PPFIBP2: variants seen among roughly 807,000 people sequenced by gnomAD.
PPFIBP2 encodes the protein liprin-beta-2.
PPFIBP2 carries 118 observed loss-of-function variants against 118.3 expected under a neutral mutation model. The ratio of observed to expected loss-of-function variants is 1.00; its 90% confidence interval spans 0.86 to 1.16. The LOEUF (loss-of-function observed/expected upper bound fraction) is 1.16. Among genes scored for constraint, PPFIBP2 ranks in the 50% most tolerant of loss-of-function variants. The pLI is 0.00. For synonymous variants in PPFIBP2, 414 were observed against 397.4 expected (o/e 1.04, Z -0.50); for missense variants, 1,195 against 1,073.1 (o/e 1.11, Z -1.59).
At chr11:7,589,119 A>G (rs1858748390) in intron 3 of PPFIBP2, among the ~76,000 whole-genome samples, 1 of 152,206 alleles carries the variant, frequency 6.6e-6, no homozygotes, top group African/African-American at 2.4e-5. Flanking sequence ...AAGTTTGATC[A>G]AATATATGTA....
At chr11:7,535,589 A>G (rs1011654102) in intron 1 of PPFIBP2, among the ~76,000 whole-genome samples, 1 of 152,256 alleles carries the variant, frequency 6.6e-6, no homozygotes, top group Admixed American at 6.5e-5. Context: ...TTGAGATATG[A>G]GATAAACATA....
intron 2 of PPFIBP2, among the ~76,000 whole-genome samples, chr11:7,553,507 G>T (rs1355399619): frequency 6.6e-6 from 1 of 152,178 alleles, no homozygotes; most frequent in Non-Finnish European, 1.5e-5. Context: ...GGCCAAAGAG[G>T]TTAAGAATTT....
intron 3 of PPFIBP2, among the ~76,000 whole-genome samples, chr11:7,592,811 G>C (rs1020685573): frequency 6.6e-6 from 1 of 152,172 alleles, no homozygotes; most frequent in African/African-American, 2.4e-5. Flanking sequence ...TCTGGAGGCT[G>C]TGCCTCTGGC....
chr11:7,608,247 T>A (rs1847631020), intron 5 of PPFIBP2, among the ~76,000 whole-genome samples: 1 of 152,218 alleles, frequency 6.6e-6, no homozygotes, highest in South Asian at 2.1e-4. Flanking sequence ...CATGTTTTTT[T>A]AAATGTCTCT....
downstream of PPFIBP2, among the ~76,000 whole-genome samples, chr11:7,660,984 G>A (rs1012663762): frequency 1.6e-4 from 24 of 151,856 alleles, no homozygotes; most frequent in East Asian, 1.4e-3. Context: ...CTGTGGGATC[G>A]GTGGTGATAT....
chr11:7,626,324 C>T (rs921492517), intron 8 of PPFIBP2, among the ~76,000 whole-genome samples: 11 of 152,244 alleles, frequency 7.2e-5, no homozygotes. Context: ...GGCCCTGAGA[C>T]TACAGAAACA....
chr11:7,665,214 C>A, the PPFIBP2 span: 1 of 576,262 alleles, frequency 1.7e-6, no homozygotes, highest in Non-Finnish European at 2.9e-6. Context: ...GCCCCTTGAG[C>A]CCTTTTTGTT....
chr11:7,537,869 G>T (rs1173908045), intron 1 of PPFIBP2, among the ~76,000 whole-genome samples: 3 of 152,078 alleles, frequency 2.0e-5, no homozygotes, highest in Non-Finnish European at 4.4e-5. Context: ...TGCACTGTTT[G>T]ACCTTTGGCA....
chr11:7,620,824 G>A (rs1462031395), intron 6 of PPFIBP2, 111 bp from the exon 7 acceptor site: 3 of 756,852 alleles, frequency 4.0e-6, no homozygotes, highest in Middle Eastern at 2.4e-4. Flanking sequence ...AAGCTGTTAT[G>A]TGGAGCTTGA....
At chr11:7,529,402 C>CAGT (rs1247162793) in intron 1 of PPFIBP2, among the ~76,000 whole-genome samples, 7 of 152,228 alleles carry the variant, frequency 4.6e-5, no homozygotes, top group Non-Finnish European at 1.0e-4. Flanking sequence ...AACCTTCCCT[C>CAGT]AGTAATTCCT....
rs1848636345 is a variant in PPFIBP2, at chr11:7,616,263, C to CT, written c.619-4671dup. Among the ~76,000 whole-genome samples the CT allele has an allele frequency of 6.6e-6, 1 of 152,136 alleles. No homozygotes were observed. Among genetic ancestry groups the CT allele is most frequent in the African/African-American group, 2.4e-5 (1 of 41,420 alleles). ...GGACAATAGTCCCCCAAAGTGCTTG[C>CT]TATAAGTTAATTTTAAGGAATCAGG... is the stretch of plus-strand genomic sequence containing the variant. On this transcript the variant is annotated intron_variant, in intron 6 of 23. Transcript: ENST00000299492. The surrounding 1 kb of genome is among the most constrained non-coding windows in gnomAD (Gnocchi z 5.2).
chr11:7,527,192 G>A (rs7126061), intron 1 of PPFIBP2, among the ~76,000 whole-genome samples: 97,626 of 151,766 alleles, frequency 0.64, 32,367 homozygotes, highest in African/African-American at 0.78. Context: ...AGGCAAGGAA[G>A]GGATGTGGGT....
At chr11:7,560,910 A>C (rs1854230701) in intron 2 of PPFIBP2, among the ~76,000 whole-genome samples, 1 of 152,136 alleles carries the variant, frequency 6.6e-6, no homozygotes, top group African/African-American at 2.4e-5. Flanking sequence ...CATATTTTTA[A>C]ATTTTACTTC....
the PPFIBP2 span, chr11:7,666,296 A>G: frequency 6.5e-6 from 4 of 613,282 alleles, no homozygotes; most frequent in Non-Finnish European, 1.2e-5. Context: ...TTCTCCCTCA[A>G]TTTCTCACAT....
At position 7,529,129 on chromosome 11, in the gene PPFIBP2, C is replaced by T. The variant is rs145212901; in HGVS notation, c.-37+15008C>T. Among the ~76,000 whole-genome samples, 169 of 152,052 alleles carry T rather than the reference C, an allele frequency of 1.1e-3. 1 individual carries two copies. Among genetic ancestry groups the T allele is most frequent in the African/African-American group, 3.8e-3 (157 of 41,412 alleles). ...TGGGGGAGCATCTGGGCTGCAGTGACGCAGGATTTCATGTTAACAGGAGAC... is the reference window on the plus strand; with the variant it reads ...TGGGGGAGCATCTGGGCTGCAGTGATGCAGGATTTCATGTTAACAGGAGAC... On this transcript the variant is annotated intron_variant, in intron 1 of 23. Coordinates refer to ENST00000299492, the MANE Select transcript of PPFIBP2 (RefSeq NM_003621.5).
chr11:7,606,980 G>A (rs1339651633), intron 5 of PPFIBP2, among the ~76,000 whole-genome samples: 4 of 124,086 alleles, frequency 3.2e-5, no homozygotes, highest in Non-Finnish European at 4.7e-5. Context: ...GCACGATCTC[G>A]GCTAACTGCA....
chr11:7,632,731 A>G, intron 11 of PPFIBP2, 136 bp from the exon 12 acceptor site: 2 of 659,960 alleles, frequency 3.0e-6, no homozygotes, highest in South Asian at 3.4e-5. Context: ...CAAGGCATCT[A>G]TAATGATGTA....
chr11:7,649,213 G>T lies in PPFIBP2; in HGVS notation c.1976G>T (p.Arg659Leu). ...DQFHESRVDR[R>L]MLQYLTVNDL... ...TTTCATGAATCTAGAGTTGACAGAC[G>T]AATGCTGCAATACCTAACTGTGGTG... The change falls in exon 20 of 24, where the codon CGA becomes CTA. Residue 659 changes from arginine to leucine, a missense_variant. Physicochemically the swap from Arg to Leu is moderately radical, Grantham distance 102. Coordinates refer to ENST00000299492, the MANE Select transcript of PPFIBP2 (RefSeq NM_003621.5). 6.2e-7 allele frequency: 1 copy of T among 1,613,806 alleles called. No individual in the cohort carries two copies. Among genetic ancestry groups the T allele is most frequent in the Admixed American group, 1.7e-5 (1 of 60,020 alleles).
At position 7,565,000 on chromosome 11, in the gene PPFIBP2, A is replaced by C. The variant is rs1020917323; in HGVS notation, c.65-553A>C. ...AAGAATCTCTGGTGGCCAACTGTGT[A>C]ATCTATGACTTTAATATAAAGAAAA... On this transcript the variant is annotated intron_variant, in intron 2 of 23. Coordinates refer to ENST00000299492, the MANE Select transcript of PPFIBP2 (RefSeq NM_003621.5). Among the ~76,000 whole-genome samples the C allele has an allele frequency of 2.7e-5, 4 of 148,324 alleles. No individual in the cohort carries two copies. In the South Asian group the frequency reaches 8.6e-4, roughly 32 times the overall value.
Sources: allele counts gnomAD v4.1 joint callset (sites outside exome capture counted in the v4.1 genomes callset), GRCh38; gene constraint gnomAD v4.1.1; non-coding constraint Gnocchi (gnomAD v3.1); transcripts MANE v1.5; gene names NCBI Gene and HGNC (gene_info 2026-07-23, HGNC 2026-07-21).